RBM19: variants seen among roughly 807,000 people sequenced by gnomAD.
RBM19 encodes the protein probable RNA-binding protein 19.
Under a neutral mutation model 116.8 loss-of-function variants are expected in RBM19, and 94 were observed. That is an observed-to-expected ratio of 0.80 (90% CI 0.68 to 0.95). The LOEUF (loss-of-function observed/expected upper bound fraction) is 0.95, where lower values mean the gene tolerates loss of function less well. Ranked by LOEUF, RBM19 falls within the 40% of genes least tolerant of loss-of-function variation. RBM19 has a pLI of 0.00. For missense variants in RBM19, 1,161 were observed against 1,220.7 expected (o/e 0.95, Z 0.73); for synonymous variants, 475 against 494.1 (o/e 0.96, Z 0.51).
chr12:113,903,849 C>T lies in RBM19; in HGVS notation c.2558+11120G>A, dbSNP rs1010281775. Among the ~76,000 whole-genome samples, 10 of 152,250 alleles carry T rather than the reference C, an allele frequency of 6.6e-5. No individual in the cohort carries two copies. Among genetic ancestry groups the T allele is most frequent in the South Asian group, 2.1e-4 (1 of 4,816 alleles). The stretch of plus-strand genomic sequence containing the variant: ...GTCTCTCCCTCCTAAAATAAGAGGA[C>T]ATACTTACTCACTTTACCCGTTAAA... On this transcript the variant is annotated intron_variant, in intron 21 of 23. Coordinates refer to ENST00000261741, the MANE Select transcript of RBM19 (RefSeq NM_016196.4). The surrounding 1 kb of genome is among the most constrained non-coding windows in gnomAD (Gnocchi z 5.1).
In RBM19 at chr12:113,945,727, G is replaced by A. The variant is rs370613297; in HGVS notation, c.1626+101C>T. ...GAAGGCCCAAGAGGAAAGCCCTGGC[G>A]GCCCCAGCCTCACAGCCAACAGCAG... is the stretch of plus-strand genomic sequence containing the variant. On this transcript the variant is annotated intron_variant, in intron 13 of 23. Coordinates refer to ENST00000261741, the MANE Select transcript of RBM19 (RefSeq NM_016196.4). The A allele has an allele frequency of 6.8e-5, 67 of 981,842 alleles. No individual in the cohort carries two copies. The East Asian group carries it at 1.1e-3, about 16-fold the overall frequency. 60.8% of individuals were successfully genotyped at this position (981,842 alleles called of 1,614,324 possible). A position where few individuals can be genotyped will look rare whatever the true frequency, so the allele number is the denominator to read the frequency against.
chr12:113,881,614 C>G (rs947980848), intron 21 of RBM19, among the ~76,000 whole-genome samples: 8 of 152,158 alleles, frequency 5.3e-5, no homozygotes, highest in African/African-American at 7.2e-5. Flanking sequence ...AAAACCCTGA[C>G]GTGGCAGCCT....
intron 11 of RBM19, among the ~76,000 whole-genome samples, chr12:113,947,053 C>A (rs1279212955): frequency 6.6e-6 from 1 of 152,192 alleles, no homozygotes; most frequent in East Asian, 1.9e-4. Flanking sequence ...AGATGGAGAG[C>A]AAATTCATCC....
chr12:113,896,030 G>A (rs1881302036), intron 21 of RBM19, among the ~76,000 whole-genome samples: 1 of 152,064 alleles, frequency 6.6e-6, no homozygotes, highest in South Asian at 2.1e-4. Flanking sequence ...GCTCATGTGT[G>A]CTGGGTGCAT....
intron 21 of RBM19, among the ~76,000 whole-genome samples, chr12:113,911,792 C>T (rs570452752): frequency 4.6e-5 from 7 of 152,188 alleles, no homozygotes; most frequent in East Asian, 3.9e-4. Context: ...CTGCAGCGCA[C>T]GGGGCCGGGG....
At chr12:113,950,808 A>T (rs192980910) in intron 8 of RBM19, among the ~76,000 whole-genome samples, 190 of 152,194 alleles carry the variant, frequency 1.2e-3, no homozygotes, top group African/African-American at 4.5e-3. Context: ...GGCTGTTTAG[A>T]TTCTTTCTGT....
intron 22 of RBM19, among the ~76,000 whole-genome samples, chr12:113,858,017 C>T (rs1410358199): frequency 2.0e-5 from 3 of 152,220 alleles, no homozygotes; most frequent in African/African-American, 7.2e-5. Flanking sequence ...GCAGAGCTCA[C>T]GGAAGGCAGC....
Position 113,927,045 on chromosome 12 carries a change from A to G in RBM19, c.2244+9T>C, listed in dbSNP as rs1391325333. On this transcript the variant is annotated intron_variant, in intron 17 of 23. Coordinates refer to ENST00000261741, the MANE Select transcript of RBM19 (RefSeq NM_016196.4). ...ACGCCCCTCCCTCCTGGGCTGAGAA[A>G]CCACTCACTTCCTTCAGCTTCTCTT... The G allele has an allele frequency of 6.2e-7, 1 of 1,611,290 alleles. No homozygotes were observed. Among genetic ancestry groups the G allele is most frequent in the Non-Finnish European group, 8.5e-7 (1 of 1,178,814 alleles).
chr12:113,953,645 C>CT (rs1871662688), intron 7 of RBM19, among the ~76,000 whole-genome samples: 1 of 152,202 alleles, frequency 6.6e-6, no homozygotes, highest in African/African-American at 2.4e-5. Flanking sequence ...AAAATGGGCA[C>CT]TTGTAGACTC....
chr12:113,914,872 A>G (rs1882670833), intron 21 of RBM19, 97 bp downstream of exon 21: 2 of 1,051,014 alleles, frequency 1.9e-6, no homozygotes, highest in South Asian at 1.3e-5. Context: ...GCCGGCCTGC[A>G]ACGGAACCAT....
intron 23 of RBM19, among the ~76,000 whole-genome samples, chr12:113,840,173 G>A (rs1401206881): frequency 1.3e-5 from 2 of 152,224 alleles, no homozygotes; most frequent in Non-Finnish European, 2.9e-5. Context: ...ATTCTACAGA[G>A]GGTGTTCTTT....
intron 21 of RBM19, among the ~76,000 whole-genome samples, chr12:113,909,797 C>T (rs928770547): frequency 3.9e-5 from 6 of 152,180 alleles, no homozygotes; most frequent in African/African-American, 4.8e-5. Context: ...GTGTTCCTGA[C>T]GTGGCAGACC....
chr12:113,959,518 T>A, intron 4 of RBM19, 114 bp from the exon 5 acceptor site: 1 of 1,214,774 alleles, frequency 8.2e-7, no homozygotes, highest in South Asian at 1.5e-5. Flanking sequence ...AGAAGATCCC[T>A]CAAGCTAATT....
At chr12:113,853,423 G>A (rs895445463) in intron 22 of RBM19, among the ~76,000 whole-genome samples, 3 of 152,200 alleles carry the variant, frequency 2.0e-5, no homozygotes, top group Admixed American at 6.5e-5. Flanking sequence ...CAACAGCAGC[G>A]GTGGCAAATA....
chr12:113,922,445 A>G (rs1018142343), intron 18 of RBM19, among the ~76,000 whole-genome samples: 2 of 152,174 alleles, frequency 1.3e-5, no homozygotes, highest in Admixed American at 6.5e-5. Flanking sequence ...TGACATGGAA[A>G]GATCAGATAA....
At chr12:113,947,151 C>A (rs1389883145) in intron 11 of RBM19, among the ~76,000 whole-genome samples, 183 bp downstream of exon 11, 1 of 152,182 alleles carries the variant, frequency 6.6e-6, no homozygotes, top group Non-Finnish European at 1.5e-5. Context: ...TCAGACCGTG[C>A]CCTCACACGA....
At chr12:113,899,864 C>G (rs575817188) in intron 21 of RBM19, among the ~76,000 whole-genome samples, 1 of 152,026 alleles carries the variant, frequency 6.6e-6, no homozygotes, top group Non-Finnish European at 1.5e-5. Flanking sequence ...CAACAATGAG[C>G]CAACGGCGGC....
At chr12:113,864,921 C>G (rs1431037785) in intron 21 of RBM19, among the ~76,000 whole-genome samples, 1 of 152,110 alleles carries the variant, frequency 6.6e-6, no homozygotes, top group Admixed American at 6.5e-5. Flanking sequence ...ATGGCTACTA[C>G]TGTCCCCAGT....
intron 6 of RBM19, 99 bp downstream of exon 6, chr12:113,957,683 T>C: frequency 6.8e-7 from 1 of 1,462,716 alleles, no homozygotes; most frequent in Non-Finnish European, 9.0e-7. Flanking sequence ...AGCTGCGTCT[T>C]TCCCCAACAT....
Sources: gnomAD v4.1 joint callset for allele counts (sites outside exome capture counted in the v4.1 genomes callset) on GRCh38, gnomAD v4.1.1 for gene constraint, Gnocchi (gnomAD v3.1) non-coding constraint, MANE v1.5 for transcripts, NCBI Gene and HGNC (gene_info 2026-07-23, HGNC 2026-07-21) for gene names.